The following HS3ST4 variants were observed in gnomAD, a reference collection of about 807,000 sequenced individuals.
HS3ST4 encodes the protein heparan sulfate glucosamine 3-O-sulfotransferase 4.
HS3ST4 carries 17 observed loss-of-function variants against 29.2 expected under a neutral mutation model. The observed-to-expected ratio is 0.58, with a 90% CI of 0.40 to 0.87. HS3ST4 has a LOEUF of 0.87. Ranked by LOEUF, HS3ST4 falls within the 40% of genes least tolerant of loss-of-function variation. The pLI, the probability that HS3ST4 is intolerant of heterozygous loss-of-function variation, is 0.00. For synonymous variants in HS3ST4, 314 were observed against 285.7 expected, an observed-to-expected ratio of 1.10 and a Z score of -1.00; for missense variants, 627 against 634.5, an observed-to-expected ratio of 0.99 and a Z score of 0.13.
At chr16:26,131,284 A>G (rs1450882621) in intron 1 of HS3ST4, among the ~76,000 whole-genome samples, 1 of 152,230 alleles carries the variant, frequency 6.6e-6, no homozygotes, top group Non-Finnish European at 1.5e-5. Context: ...CCAGAAAAAT[A>G]AAATTAAGTG....
At chr16:25,956,244 A>T (rs1297100055) in intron 1 of HS3ST4, among the ~76,000 whole-genome samples, 2 of 152,158 alleles carry the variant, frequency 1.3e-5, no homozygotes, top group African/African-American at 4.8e-5. Flanking sequence ...TGCCTCCATG[A>T]TTTCGTTCAT....
chr16:25,805,846 C>T (rs1159210506), intron 1 of HS3ST4, among the ~76,000 whole-genome samples: 1 of 151,986 alleles, frequency 6.6e-6, no homozygotes, highest in African/African-American at 2.4e-5. Flanking sequence ...CCTAATGCTC[C>T]CTCCCCTCAG....
intron 1 of HS3ST4, among the ~76,000 whole-genome samples, chr16:26,048,777 G>T (rs955338819): frequency 1.3e-5 from 2 of 152,162 alleles, no homozygotes; most frequent in Admixed American, 6.5e-5. Context: ...AGGCTGTAGT[G>T]AGCTATGTTC....
At chr16:25,909,850 T>C (rs907157635) in intron 1 of HS3ST4, among the ~76,000 whole-genome samples, 1 of 152,124 alleles carries the variant, frequency 6.6e-6, no homozygotes, top group Non-Finnish European at 1.5e-5. Context: ...AAGATGATTA[T>C]TTTTTGTTTG....
chr16:25,955,254 A>G (rs1299237017), intron 1 of HS3ST4, among the ~76,000 whole-genome samples: 1 of 152,182 alleles, frequency 6.6e-6, no homozygotes, highest in African/African-American at 2.4e-5. Context: ...GCTAGTTGGC[A>G]ATGGGTCAGG....
intron 1 of HS3ST4, among the ~76,000 whole-genome samples, chr16:25,802,036 A>G (rs1419615024): frequency 6.7e-6 from 1 of 148,858 alleles, no homozygotes; most frequent in Non-Finnish European, 1.5e-5. Flanking sequence ...ACTGGGGACG[A>G]GCAGTTAAAA....
chr16:26,029,913 A>G (rs924402913), intron 1 of HS3ST4, among the ~76,000 whole-genome samples: 3 of 152,074 alleles, frequency 2.0e-5, no homozygotes, highest in Admixed American at 6.5e-5. Context: ...TCTTAACCCC[A>G]CACCTCTGCA....
chr16:25,941,099 A>G (rs1968567076), intron 1 of HS3ST4, among the ~76,000 whole-genome samples: 1 of 152,136 alleles, frequency 6.6e-6, no homozygotes, highest in Non-Finnish European at 1.5e-5. Context: ...TGAGACCAAA[A>G]TAGTTCCTCC....
intron 1 of HS3ST4, among the ~76,000 whole-genome samples, chr16:25,808,207 C>T (rs1338370676): frequency 6.6e-6 from 1 of 152,100 alleles, no homozygotes; most frequent in African/African-American, 2.4e-5. Flanking sequence ...TTTGCCTAGC[C>T]TGGATCCCAA....
At chr16:25,769,380 T>G (rs990294951) in intron 1 of HS3ST4, among the ~76,000 whole-genome samples, 19 of 152,156 alleles carry the variant, frequency 1.2e-4, no homozygotes, top group African/African-American at 4.6e-4. Context: ...CAGCACTGAC[T>G]CTCAGGTTTG....
intron 1 of HS3ST4, among the ~76,000 whole-genome samples, chr16:25,919,059 T>A (rs1968320505): frequency 6.6e-6 from 1 of 152,182 alleles, no homozygotes; most frequent in East Asian, 1.9e-4. Flanking sequence ...AAAACCTCTC[T>A]TTGTCCCCCA....
intron 1 of HS3ST4, among the ~76,000 whole-genome samples, chr16:25,928,919 G>A (rs1007207655): frequency 1.1e-4 from 16 of 152,184 alleles, no homozygotes; most frequent in African/African-American, 3.6e-4. Context: ...GATACTTTAC[G>A]TTGTATCTGA....
intron 1 of HS3ST4, among the ~76,000 whole-genome samples, chr16:25,782,106 G>A (rs1596569104): frequency 6.6e-6 from 1 of 152,144 alleles, no homozygotes; most frequent in South Asian, 2.1e-4. Flanking sequence ...TCACAAGGCG[G>A]CAGGAAGGAG....
chr16:25,881,815 T>G (rs1596601223), intron 1 of HS3ST4, among the ~76,000 whole-genome samples: 1 of 152,184 alleles, frequency 6.6e-6, no homozygotes. Flanking sequence ...GCCAGCTCGG[T>G]GACCCACAGG....
intron 1 of HS3ST4, among the ~76,000 whole-genome samples, chr16:26,045,167 G>A (rs1032869586): frequency 1.3e-5 from 2 of 152,122 alleles, no homozygotes; most frequent in African/African-American, 4.8e-5. Flanking sequence ...GCATTTCTCA[G>A]CTGTGTCTGA....
intron 1 of HS3ST4, among the ~76,000 whole-genome samples, chr16:25,828,298 TTCCCTCTCTCTCTCTCTC>T (rs1967252762): frequency 1.4e-4 from 4 of 27,884 alleles, no homozygotes; most frequent in African/African-American, 2.9e-4. Flanking sequence ...CTTTCTTTCT[TTCCCTCTCTCTCTCTCTC>T]TCTCTCTCTC....
At chr16:26,085,640 G>A (rs1898777404) in intron 1 of HS3ST4, among the ~76,000 whole-genome samples, 1 of 152,154 alleles carries the variant, frequency 6.6e-6, no homozygotes, top group African/African-American at 2.4e-5. Flanking sequence ...GGAGGCCCAG[G>A]AGGGAGGATT....
chr16:25,825,130 A>G (rs937591493), intron 1 of HS3ST4, among the ~76,000 whole-genome samples: 6 of 152,218 alleles, frequency 3.9e-5, no homozygotes, highest in African/African-American at 1.4e-4. Flanking sequence ...ATTGAATCCC[A>G]TGTGACAACA....
intron 1 of HS3ST4, among the ~76,000 whole-genome samples, chr16:25,850,383 A>T (rs1337897785): frequency 6.6e-6 from 1 of 151,958 alleles, no homozygotes; most frequent in Non-Finnish European, 1.5e-5. Flanking sequence ...GCCTTCAAAA[A>T]CTCTACCCAG....
Sources: allele counts gnomAD v4.1 joint callset (sites outside exome capture counted in the v4.1 genomes callset), GRCh38; gene constraint gnomAD v4.1.1; transcripts MANE v1.5; gene names NCBI Gene and HGNC (gene_info 2026-07-23, HGNC 2026-07-21).